The following CHAT variants were observed in gnomAD, a reference collection of about 807,000 sequenced individuals.
CHAT encodes the protein acetyl CoA:choline O-acetyltransferase.
In CHAT, 61 loss-of-function variants were observed where a neutral mutation model predicts 76.9. The ratio of observed to expected loss-of-function variants is 0.79; its 90% CI spans 0.65 to 0.98. The LOEUF is 0.98. Ranked by LOEUF, CHAT falls within the 50% of genes least tolerant of loss-of-function variation. CHAT has a pLI of 0.00. For missense variants in CHAT, 946 were observed against 986.9 expected, an observed-to-expected ratio of 0.96 and a Z score of 0.56; for synonymous variants, 407 against 397.4, an observed-to-expected ratio of 1.02 and a Z score of -0.29.
upstream of CHAT, chr10:49,611,925 C>T (rs1215490692): frequency 2.5e-6 from 4 of 1,612,572 alleles, no homozygotes; most frequent in African/African-American, 2.7e-5. Context: ...TTGGCATAGC[C>T]CTAGTCGACA....
intron 7 of CHAT, among the ~76,000 whole-genome samples, chr10:49,637,035 CCT>C (rs1030782871): frequency 2.8e-4 from 42 of 150,242 alleles, no homozygotes; most frequent in Non-Finnish European, 1.6e-4. Context: ...TGTCTTTCTC[CCT>C]CTCTTTTTTT....
At position 49,666,468 on chromosome 10, in the gene CHAT, G is replaced by A. The variant is rs1240413681; in HGVS notation, c.*1422G>A. Among the ~76,000 whole-genome samples the A allele has an allele frequency of 1.3e-5, 2 of 152,240 alleles. No individual in the cohort carries two copies. The highest frequency in any genetic ancestry group is 4.8e-5 in the African/African-American group (2 of 41,466). The stretch of plus-strand genomic sequence containing the variant: ...GAGAAATCTACAGCATAGAGCCCGT[G>A]TGTTCTGCTCCACATCCCTCCAATC... On this transcript the variant is annotated 3_prime_UTR_variant, in exon 15 of 15. Transcript: ENST00000337653.
chr10:49,612,616 G>A (rs1333909314), upstream of CHAT: 5 of 448,824 alleles, frequency 1.1e-5, no homozygotes, highest in East Asian at 3.6e-5. Flanking sequence ...CCCCTGTGTA[G>A]AGCCTGCATC....
Position 49,614,153 on chromosome 10 carries a change from G to A in CHAT, c.-37G>A, listed in dbSNP as rs1838381763. The A allele has an allele frequency of 5.2e-6, 8 of 1,546,080 alleles. No homozygotes were observed. Among genetic ancestry groups the A allele is most frequent in the African/African-American group, 1.4e-5 (1 of 72,848 alleles). On this transcript the variant is annotated 5_prime_UTR_variant, in exon 1 of 15. Coordinates refer to ENST00000337653, the MANE Select transcript of CHAT (RefSeq NM_020549.5). ...GCGCTCCGGGTAGATTCTGGGGGCC[G>A]GGAGCTGAGATCCCTGGGCGGGGAG...
chr10:49,642,332 C>T (rs7895569), intron 7 of CHAT, among the ~76,000 whole-genome samples: 5,162 of 152,342 alleles, frequency 0.034, 269 homozygotes, highest in African/African-American at 0.11. Context: ...TGATCAGCTA[C>T]TTATATGCAG....
chr10:49,636,471 G>T (rs551183665), intron 7 of CHAT, among the ~76,000 whole-genome samples: 2 of 152,196 alleles, frequency 1.3e-5, no homozygotes, highest in South Asian at 4.1e-4. Context: ...TCTATAGTTG[G>T]TTTGGTTTTT....
chr10:49,616,569 G>A lies in CHAT; in HGVS notation c.354G>A (p.Lys118=), dbSNP rs1838505037. The change falls in exon 2 of 15, where the codon AAG becomes AAA. Residue 118 remains lysine, a synonymous_variant. Transcript: ENST00000337653. ...KTPILEKVPR[K]MAAKTPSSEE... The stretch of plus-strand genomic sequence containing the variant: ...CCATCCTGGAAAAGGTCCCCCGTAA[G>A]ATGGCAGCAAAAACTCCCAGCAGTG... 6.2e-7 allele frequency: 1 copy of A among 1,612,948 alleles called. No individual in the cohort carries two copies. Among genetic ancestry groups the A allele is most frequent in the Non-Finnish European group, 8.5e-7 (1 of 1,179,372 alleles).
Position 49,664,779 on chromosome 10 carries a change from G to T in CHAT, c.1980G>T (p.Val660=). 1.2e-6 allele frequency: 2 copies of T among 1,614,206 alleles called. No homozygotes were observed. Among genetic ancestry groups the T allele is most frequent in the Non-Finnish European group, 1.7e-6 (2 of 1,180,036 alleles). ...TCCTGACCTGTCCTCTCCTCCAGGT[G>T]CCCACAACCACGGAGATGTTCTGCT... is the stretch of plus-strand genomic sequence containing the variant. ...SNRFVLSTSQ[V]PTTTEMFCCY... Residue 660 remains valine, a splice_region_variant and synonymous_variant, in exon 15 of 15, where the codon GTG becomes GTT. Transcript: ENST00000337653.
In CHAT at chr10:49,625,509, G is replaced by A. The variant is rs114090981; in HGVS notation, c.789G>A (p.Leu263=). The A allele has an allele frequency of 3.7e-4, 600 of 1,613,106 alleles. 4 individuals carry two copies. In the African/African-American group the frequency reaches 6.2e-3, roughly 17 times the overall value. ...CCACTGACTGTGCCAAAGGCCAGCT[G>A]TCAGGGCAGCCCCTTTGCATGAAGC... The part of the protein sequence containing the change: ...SIPTDCAKGQ[L]SGQPLCMKQY... Residue 263 remains leucine, a synonymous_variant, in exon 6 of 15, where the codon CTG becomes CTA. Transcript: ENST00000337653.
intron 14 of CHAT, 48 bp from the exon 15 acceptor site, chr10:49,664,729 C>A (rs372577323): frequency 1.2e-6 from 2 of 1,612,302 alleles, no homozygotes; most frequent in Non-Finnish European, 8.5e-7. Flanking sequence ...TCGAGGCTGG[C>A]GGGCTGCATT....
intron 7 of CHAT, among the ~76,000 whole-genome samples, chr10:49,628,989 C>T (rs953612530): frequency 1.2e-4 from 19 of 152,274 alleles, no homozygotes; most frequent in African/African-American, 4.3e-4. Flanking sequence ...CTCCTTGCCG[C>T]ACGCAGAGCT....
intron 6 of CHAT, among the ~76,000 whole-genome samples, chr10:49,625,859 T>C (rs1838902074): frequency 6.6e-6 from 1 of 152,324 alleles, no homozygotes; most frequent in South Asian, 2.1e-4. Context: ...AGCCGTCAGT[T>C]TGAGAATATC....
At chr10:49,637,339 G>T (rs1471774819) in intron 7 of CHAT, 2 of 152,008 alleles carry the variant, frequency 1.3e-5, no homozygotes, top group African/African-American at 4.8e-5. Context: ...ATTCATTTCA[G>T]TGTATTTTTT....
intron 8 of CHAT, 45 bp downstream of exon 8, chr10:49,646,719 G>T: frequency 4.4e-6 from 7 of 1,603,934 alleles, no homozygotes; most frequent in Non-Finnish European, 6.0e-6. Context: ...CATGCCCCCA[G>T]CGAGAGAGTG....
Position 49,664,931 on chromosome 10 carries a change from T to C in CHAT, c.2132T>C (p.Val711Ala), listed in dbSNP as rs994328519. 6.2e-7 allele frequency: 1 copy of C among 1,614,216 alleles called. No individual in the cohort carries two copies. ...TCTTCTAGCAAGTTTGCAAAAGCTG[T>C]GGAAGAAAGCCTCATTGACATGAGA... Reference protein sequence around the residue: ...ETSSSKFAKAVEESLIDMRDL... With the variant: ...ETSSSKFAKAAEESLIDMRDL... Residue 711 changes from valine (V) to alanine (A), a missense_variant, in exon 15 of 15, where the codon GTG becomes GCG. Val to Ala is a moderately conservative substitution (Grantham distance 64). Transcript: ENST00000337653.
chr10:49,611,027 ACACCTCGGCGTCCCCGACAGCTGCGTGGC>A, upstream of CHAT: 1 of 1,613,898 alleles, frequency 6.2e-7, no homozygotes, highest in Non-Finnish European at 8.5e-7. Flanking sequence ...TACACGGCCA[ACACCTCGGCGTCCCCGACAGCTGCGTGGC>A]CAGCGGGCTC....
Position 49,620,490 on chromosome 10 carries a change from G to C in CHAT, c.580-5G>C, listed in dbSNP as rs763339825. On this transcript the variant is annotated splice_region_variant and splice_polypyrimidine_tract_variant and intron_variant, in intron 3 of 14. Transcript: ENST00000337653. ...TGTGACGGCCTTCCCTGCCCTCCCC[G>C]GCAGGTGTCTGAGTACTGGCTGAAT... 1.2e-6 allele frequency: 2 copies of C among 1,607,390 alleles called. No homozygotes were observed. Among genetic ancestry groups the C allele is most frequent in the Non-Finnish European group, 1.7e-6 (2 of 1,174,516 alleles).
chr10:49,616,406 A>G, intron 1 of CHAT, 96 bp from the exon 2 acceptor site: 2 of 969,576 alleles, frequency 2.1e-6, no homozygotes, highest in Admixed American at 2.0e-5. Flanking sequence ...TGGCCTCCTC[A>G]TGGGGCTGGG....
chr10:49,609,190 C>T (rs2132682162), upstream of CHAT: 1 of 152,302 alleles, frequency 6.6e-6, no homozygotes, highest in African/African-American at 2.4e-5. Flanking sequence ...GCGGCCCTCT[C>T]AGAAGGAAGG....
Sources: allele counts gnomAD v4.1 joint callset (sites outside exome capture counted in the v4.1 genomes callset), GRCh38; gene constraint gnomAD v4.1.1; transcripts MANE v1.5; gene names NCBI Gene and HGNC (gene_info 2026-07-23, HGNC 2026-07-21).